Variants in PHKG1 observed in about 807,000 individuals in gnomAD.
PHKG1 encodes the protein phosphorylase b kinase gamma catalytic chain, skeletal muscle/heart isoform.
PHKG1 carries 48 observed loss-of-function variants against 50.5 expected under a neutral mutation model. The ratio of observed to expected loss-of-function variants is 0.95; its 90% confidence interval spans 0.75 to 1.21. The LOEUF (loss-of-function observed/expected upper bound fraction) is 1.21, where lower values mean the gene tolerates loss of function less well. PHKG1 is among the 50% of genes most tolerant of loss of function. The pLI, the probability that PHKG1 is intolerant of heterozygous loss-of-function variation, is 0.00. For missense variants in PHKG1, 487 were observed against 519.5 expected, an observed-to-expected ratio of 0.94 and a Z score of 0.61; for synonymous variants, 204 against 212.8, an observed-to-expected ratio of 0.96 and a Z score of 0.36.
At chr7:56,091,983 C>T (rs1796506816) in intron 1 of PHKG1, among the ~76,000 whole-genome samples, 3 of 152,246 alleles carry the variant, frequency 2.0e-5, no homozygotes, top group Admixed American at 1.3e-4. Flanking sequence ...CTCATCACCT[C>T]CCAAAGCTGG....
rs199588043 is a variant in PHKG1, at chr7:56,083,435, G to A, written c.390C>T (p.Ile130=). 3.5e-4 allele frequency: 566 copies of A among 1,614,144 alleles called. 8 individuals are homozygous for A. In the South Asian group the frequency reaches 5.8e-3, roughly 17 times the overall value. The part of the protein sequence containing the change: ...VTLSEKETRK[I]MRALLEVICT... ...AGATCACCTCCAGCAGAGCTCGCAT[G>A]ATCTTTCTAGGGTGGGGCACACACT... The change falls in exon 6 of 10, where the codon ATC becomes ATT. Residue 130 remains isoleucine, a synonymous_variant. Transcript: ENST00000297373.
intron 1 of PHKG1, among the ~76,000 whole-genome samples, chr7:56,089,526 A>C (rs1165084303): frequency 6.6e-6 from 1 of 151,750 alleles, no homozygotes; most frequent in African/African-American, 2.4e-5. Flanking sequence ...CTCACACCCT[A>C]GCCTCCTGAG....
chr7:56,088,701 T>G (rs1046041258), intron 2 of PHKG1, 158 bp downstream of exon 2: 4 of 584,392 alleles, frequency 6.8e-6, no homozygotes, highest in South Asian at 4.3e-5. Flanking sequence ...CTGTCCTGGC[T>G]TCAGGAGGGC....
rs1331726733 is a variant in PHKG1, at chr7:56,081,887, T to C, written c.792+6A>G. On this transcript the variant is annotated splice_donor_region_variant and intron_variant, in intron 8 of 9. Transcript: ENST00000297373. This position sits in a 1 kb window ranked among gnomAD's most constrained non-coding sequence, Gnocchi z 4.6. The stretch of plus-strand genomic sequence containing the variant: ...AGCCCAGGAGCCAGTTGGCCTGGCC[T>C]CTCACCAGGTCCTTCACGGTGTCCG... 14 of 1,613,048 alleles carry C rather than the reference T, an allele frequency of 8.7e-6. No homozygotes were observed. Among genetic ancestry groups the C allele is most frequent in the Non-Finnish European group, 1.2e-5 (14 of 1,179,822 alleles).
Position 56,080,995 on chromosome 7 carries a change from G to C in PHKG1, c.*59C>G, listed in dbSNP as rs1265820443. 2.5e-6 allele frequency: 4 copies of C among 1,594,374 alleles called. No homozygotes were observed. Among genetic ancestry groups the C allele is most frequent in the Non-Finnish European group, 3.4e-6 (4 of 1,170,138 alleles). Reference sequence around the variant, plus strand: ...TGCACGCATCTCACCCCTTTGACTTGTATTTCCATGGCTTCCCCTCCCCAC... The same window carrying C: ...TGCACGCATCTCACCCCTTTGACTTCTATTTCCATGGCTTCCCCTCCCCAC... On this transcript the variant is annotated 3_prime_UTR_variant, in exon 10 of 10. Transcript: ENST00000297373.
At chr7:56,084,713 C>T (rs552117469) in intron 4 of PHKG1, among the ~76,000 whole-genome samples, 2 of 152,206 alleles carry the variant, frequency 1.3e-5, no homozygotes, top group East Asian at 1.9e-4. Context: ...TGGGAAGAAT[C>T]GGCTGTGCAA....
In PHKG1 at chr7:56,088,905, C is replaced by T. The variant is rs141311286; in HGVS notation, c.37G>A (p.Ala13Thr). 6 of 1,613,754 alleles carry T rather than the reference C, an allele frequency of 3.7e-6. No individual in the cohort carries two copies. The highest frequency in any genetic ancestry group is 3.3e-5 in the South Asian group (3 of 91,060). The change falls in exon 2 of 10, where the codon GCA (alanine) becomes ACA (threonine). Residue 13 changes from alanine to threonine, a missense_variant. Physicochemically the swap from Ala to Thr is moderately conservative, Grantham distance 58. Transcript: ENST00000297373. ...TCATAATTCTCATAGAAGTCCTGTG[C>T]AGAATGAGAGTCCGGCAGTGCCTCG... ...RDEALPDSHS[A>T]QDFYENYEPK...
Position 56,081,710 on chromosome 7 carries a change from C to G in PHKG1, c.838G>C (p.Glu280Gln), listed in dbSNP as rs991383854. Residue 280 changes from glutamate to glutamine, a missense_variant, in exon 9 of 10, where the codon GAA becomes CAA. By Grantham distance (29) the Glu-to-Gln change is conservative. Coordinates refer to ENST00000297373, the MANE Select transcript of PHKG1 (RefSeq NM_006213.5). The surrounding 1 kb of genome is among the most constrained non-coding windows in gnomAD (Gnocchi z 4.6). ...VVQPQNRYTA[E>Q]EALAHPFFQQ... ...AAGAAGGGGTGTGCCAAGGCCTCTT[C>G]CGCTGTGTAGCGGTTCTGGGGTTGC... The G allele has an allele frequency of 1.2e-6, 2 of 1,613,904 alleles. No individual in the cohort carries two copies. Among genetic ancestry groups the G allele is most frequent in the African/African-American group, 2.7e-5 (2 of 74,906 alleles).
chr7:56,083,406 G>T lies in PHKG1; in HGVS notation c.419C>A (p.Thr140Asn), dbSNP rs1796111684. Residue 140 changes from threonine to asparagine, a missense_variant, in exon 6 of 10, where the codon ACC (threonine) becomes AAC (asparagine). Coordinates refer to ENST00000297373, the MANE Select transcript of PHKG1 (RefSeq NM_006213.5). The stretch of plus-strand genomic sequence containing the variant: ...GTGCACGATGTTGAGTTTGTGCAAG[G>T]TGCAGATCACCTCCAGCAGAGCTCG... ...IMRALLEVIC[T>N]LHKLNIVHRD... 2 of 1,614,078 alleles carry T rather than the reference G, an allele frequency of 1.2e-6. No individual in the cohort carries two copies. Among genetic ancestry groups the T allele is most frequent in the Admixed American group, 1.7e-5 (1 of 60,002 alleles).
Position 56,081,119 on chromosome 7 carries a change from G to A in PHKG1, c.1099C>T (p.Arg367Trp), listed in dbSNP as rs774276446. 23 of 1,613,576 alleles carry A rather than the reference G, an allele frequency of 1.4e-5. No individual in the cohort carries two copies. Among genetic ancestry groups the A allele is most frequent in the South Asian group, 4.4e-5 (4 of 91,068 alleles). Residue 367 changes from arginine to tryptophan, a missense_variant, in exon 10 of 10, where the codon CGG becomes TGG. By Grantham distance (101) the Arg-to-Trp change is moderately radical. Transcript: ENST00000297373. This position sits in a 1 kb window ranked among gnomAD's most constrained non-coding sequence, Gnocchi z 4.6. Reference sequence around the variant, plus strand: ...GGTGTGTTCTCGAAAAGGGCTGCCCGGTTCTGCTGCTGCCCCTTCTTCACC... The same window carrying A: ...GGTGTGTTCTCGAAAAGGGCTGCCCAGTTCTGCTGCTGCCCCTTCTTCACC... ...HWVKKGQQQN[R>W]AALFENTPKA...
Position 56,081,525 on chromosome 7 carries a change from A to T in PHKG1, c.918+105T>A. 2.2e-6 allele frequency: 3 copies of T among 1,380,848 alleles called. No individual in the cohort carries two copies. The highest frequency in any genetic ancestry group is 3.0e-6 in the Non-Finnish European group (3 of 995,658). 85.5% of individuals were successfully genotyped at this position (1,380,848 alleles called of 1,614,324 possible). ...TCACAGGGCAGCTGGGAGGGGAGGG[A>T]TGGGTACTCTGGAAATTCACGGGGT... On this transcript the variant is annotated intron_variant, in intron 9 of 9. Transcript: ENST00000297373. The surrounding 1 kb of genome is among the most constrained non-coding windows in gnomAD (Gnocchi z 4.6).
intron 4 of PHKG1, among the ~76,000 whole-genome samples, chr7:56,083,988 GAATTTTTCCCCTGGAAA>G (rs1796142297): frequency 6.6e-6 from 1 of 152,122 alleles, no homozygotes; most frequent in Non-Finnish European, 1.5e-5. Flanking sequence ...TCCCCTGACT[GAATTTTTCCCCTGGAAA>G]AATTTTTCCC....
At chr7:56,090,058 G>C (rs1360899713) in intron 1 of PHKG1, among the ~76,000 whole-genome samples, 3 of 152,034 alleles carry the variant, frequency 2.0e-5, no homozygotes, top group Non-Finnish European at 4.4e-5. Context: ...TCTAGGACAG[G>C]CTTCCTGCAC....
chr7:56,087,586 GC>G lies in PHKG1; in HGVS notation c.262+11del. The G allele has an allele frequency of 6.2e-7, 1 of 1,610,466 alleles. No homozygotes were observed. The highest frequency in any genetic ancestry group is 8.5e-7 in the Non-Finnish European group (1 of 1,177,822). ...GGGGCACCCTGCCGTGTGGCTTGGG[GC>G]CATCACTCACTGATGTTGGGGTGCC... On this transcript the variant is annotated intron_variant, in intron 3 of 9. Coordinates refer to ENST00000297373, the MANE Select transcript of PHKG1 (RefSeq NM_006213.5).
intron 4 of PHKG1, among the ~76,000 whole-genome samples, chr7:56,086,550 G>A (rs1317357608): frequency 1.3e-5 from 2 of 151,924 alleles, no homozygotes; most frequent in African/African-American, 4.8e-5. Flanking sequence ...GTTCAACGGC[G>A]TGATCTCGGC....
At chr7:56,083,561 T>C (rs1796120564) in intron 5 of PHKG1, 89 bp downstream of exon 5, 6 of 1,494,952 alleles carry the variant, frequency 4.0e-6, no homozygotes, top group East Asian at 2.3e-5. Context: ...AGCCCAGACA[T>C]GTGCACGCCC....
Position 56,081,564 on chromosome 7 carries a change from G to A in PHKG1, c.918+66C>T. On this transcript the variant is annotated intron_variant, in intron 9 of 9. Transcript: ENST00000297373. The surrounding 1 kb of genome is among the most constrained non-coding windows in gnomAD (Gnocchi z 4.6). ...AATTCACGGGGTGTAAGGACTCCTG[G>A]GAGAGGAGGGGGCTTAGAGGTTTGC... 6.3e-7 allele frequency: 1 copy of A among 1,576,144 alleles called. No homozygotes were observed. The highest frequency in any genetic ancestry group is 1.1e-5 in the South Asian group (1 of 89,232).
Position 56,087,707 on chromosome 7 carries a change from G to A in PHKG1, c.153C>T (p.Ile51=), listed in dbSNP as rs56009947. The part of the protein sequence containing the change: ...PTSQEYAVKV[I]DVTGGGSFSP... ...TGAAGCTGCCTCCACCGGTGACGTC[G>A]ATGACCTTCACGGCGTACTCCTGGC... Residue 51 remains isoleucine, a synonymous_variant, in exon 3 of 10, where the codon ATC becomes ATT. Coordinates refer to ENST00000297373, the MANE Select transcript of PHKG1 (RefSeq NM_006213.5). 221 of 1,613,848 alleles carry A rather than the reference G, an allele frequency of 1.4e-4. 2 individuals carry two copies. The East Asian group carries it at 3.9e-3, about 29-fold the overall frequency.
chr7:56,085,271 A>T (rs1432856336), intron 4 of PHKG1, among the ~76,000 whole-genome samples: 1 of 149,990 alleles, frequency 6.7e-6, no homozygotes, highest in Non-Finnish European at 1.5e-5. Context: ...TTAATTTTAT[A>T]TTTTTTTGTA....
Sources: gnomAD v4.1 joint callset for allele counts (sites outside exome capture counted in the v4.1 genomes callset) on GRCh38, gnomAD v4.1.1 for gene constraint, Gnocchi (gnomAD v3.1) non-coding constraint, MANE v1.5 for transcripts, NCBI Gene and HGNC (gene_info 2026-07-23, HGNC 2026-07-21) for gene names.